The following DNAJC13 variants were observed in gnomAD, a reference collection of about 807,000 sequenced individuals.
DNAJC13 encodes dnaJ homolog subfamily C member 13.
Under a neutral mutation model 290.5 loss-of-function variants are expected in DNAJC13, and 75 were observed. The ratio of observed to expected loss-of-function variants is 0.26; its 90% confidence interval spans 0.21 to 0.31. DNAJC13 has a LOEUF of 0.31. Ranked by LOEUF, DNAJC13 falls within the 10% of genes least tolerant of loss-of-function variation. The pLI is 1.00. For missense variants in DNAJC13, 2,260 were observed against 2,674.5 expected, an observed-to-expected ratio of 0.85 and a Z score of 3.42; for synonymous variants, 862 against 892.0, an observed-to-expected ratio of 0.97 and a Z score of 0.60.
chr3:132,453,394 C>T lies in DNAJC13; in HGVS notation c.634C>T (p.Pro212Ser), dbSNP rs1313769308. 2 of 1,613,894 alleles carry T rather than the reference C, an allele frequency of 1.2e-6. No individual in the cohort carries two copies. The highest frequency in any genetic ancestry group is 2.2e-5 in the East Asian group (1 of 44,828). Residue 212 changes from proline (P) to serine (S), a missense_variant, in exon 7 of 56, where the codon CCT (proline) becomes TCT (serine). By Grantham distance (74) the Pro-to-Ser change is moderately conservative (BLOSUM62 -1). Around this residue, in one of 3 missense-constraint regions of DNAJC13, gnomAD observed 762 missense variants for 964.1 expected, o/e 0.79. Transcript: ENST00000260818. ...TATTTCATTGCGGATCAGGAAAGAG[C>T]CTTTAGAATTCGAGCAATATTTGAA... Reference protein sequence around the residue: ...IGISLRIRKEPLEFEQYLNLR... With the variant: ...IGISLRIRKESLEFEQYLNLR...
intron 34 of DNAJC13, 69 bp downstream of exon 34, chr3:132,494,328 A>G (rs1935162450): frequency 2.6e-6 from 3 of 1,159,090 alleles, no homozygotes; most frequent in Admixed American, 3.8e-5. Context: ...AGACTAAGTT[A>G]TATTTAAATC....
At chr3:132,427,351 G>T (rs968691520) in intron 1 of DNAJC13, among the ~76,000 whole-genome samples, 4 of 151,890 alleles carry the variant, frequency 2.6e-5, no homozygotes, top group African/African-American at 7.3e-5. Flanking sequence ...TGCCTGGGCT[G>T]GTCTTGAACT....
rs767766724 is a variant in DNAJC13, at chr3:132,454,173, T to C, written c.932+16T>C. On this transcript the variant is annotated intron_variant, in intron 9 of 55. Transcript: ENST00000260818. ...CAACAGAGAGGTATTTTTTTTTTTT[T>C]AAGTTTTTGAAATCCTAGTTGTGCA... 14 of 1,517,488 alleles carry C rather than the reference T, an allele frequency of 9.2e-6. No homozygotes were observed. The Middle Eastern group carries it at 1.2e-3, about 129-fold the overall frequency. 94.0% of individuals were successfully genotyped at this position (1,517,488 alleles called of 1,614,324 possible). A position where few individuals can be genotyped will look rare whatever the true frequency, so the allele number is the denominator to read the frequency against.
intron 51 of DNAJC13, 106 bp from the exon 52 acceptor site, chr3:132,525,504 C>T: frequency 1.7e-6 from 2 of 1,161,632 alleles, no homozygotes. Flanking sequence ...AGTATCAGCA[C>T]TTAGAACTTT....
chr3:132,433,400 C>T (rs1939291516), intron 1 of DNAJC13, among the ~76,000 whole-genome samples: 1 of 151,900 alleles, frequency 6.6e-6, no homozygotes, highest in African/African-American at 2.4e-5. Context: ...CCCTTCTCTT[C>T]TGAAAAGTAG....
intron 55 of DNAJC13, among the ~76,000 whole-genome samples, chr3:132,534,325 T>C (rs1936523952): frequency 6.6e-6 from 1 of 152,184 alleles, no homozygotes; most frequent in African/African-American, 2.4e-5. Flanking sequence ...TGTCAGTTGC[T>C]GGAAATTTTT....
At chr3:132,463,876 A>C (rs1933891931) in intron 17 of DNAJC13, 59 bp downstream of exon 17, 3 of 1,553,698 alleles carry the variant, frequency 1.9e-6, no homozygotes, top group Admixed American at 3.6e-5. Flanking sequence ...ATTGATTCAG[A>C]TGTTACATAA....
At chr3:132,528,439 G>T in intron 54 of DNAJC13, 107 bp downstream of exon 54, 3 of 1,366,218 alleles carry the variant, frequency 2.2e-6, no homozygotes, top group Non-Finnish European at 3.0e-6. Context: ...GGTTCTGTTG[G>T]TTGTAACTGG....
Position 132,516,699 on chromosome 3 carries a change from C to T in DNAJC13, c.5561-5C>T, listed in dbSNP as rs766885811. Reference sequence around the variant, plus strand: ...ATAAGCACTAATTATCTTTTTCCTTCATAGGTGCTTTGATCTATTTACTGG... The same window carrying T: ...ATAAGCACTAATTATCTTTTTCCTTTATAGGTGCTTTGATCTATTTACTGG... On this transcript the variant is annotated splice_region_variant and splice_polypyrimidine_tract_variant and intron_variant, in intron 47 of 55. Transcript: ENST00000260818. The T allele has an allele frequency of 6.2e-7, 1 of 1,605,270 alleles. No homozygotes were observed. Among genetic ancestry groups the T allele is most frequent in the Admixed American group, 1.7e-5 (1 of 58,108 alleles).
At chr3:132,500,650 G>C in intron 38 of DNAJC13, 144 bp from the exon 39 acceptor site, 3 of 1,150,628 alleles carry the variant, frequency 2.6e-6, no homozygotes, top group Non-Finnish European at 2.4e-6. Flanking sequence ...TAGTGATCTA[G>C]TAAAGACATT....
Position 132,496,681 on chromosome 3 carries a change from A to C in DNAJC13, c.4156+18A>C. 2.5e-6 allele frequency: 4 copies of C among 1,585,846 alleles called. No homozygotes were observed. Among genetic ancestry groups the C allele is most frequent in the Non-Finnish European group, 3.4e-6 (4 of 1,168,376 alleles). ...TAAAGAAGGTAAGATGTCTGTTCTC[A>C]GATTTTAATTTATCCTCCAGCTAAC... On this transcript the variant is annotated intron_variant, in intron 36 of 55. Transcript: ENST00000260818.
At chr3:132,433,700 T>C (rs1939298605) in intron 1 of DNAJC13, among the ~76,000 whole-genome samples, 1 of 152,226 alleles carries the variant, frequency 6.6e-6, no homozygotes, top group Non-Finnish European at 1.5e-5. Flanking sequence ...TTGGAAAATG[T>C]GTTTAGGTAT....
chr3:132,516,460 T>C lies in DNAJC13; in HGVS notation c.5524T>C (p.Ser1842Pro). ...TCTGGAAACTCTTTATGCTTTGACA[T>C]CGAGTACAAAAATAATCAAAGAAGC... Reference protein sequence around the residue: ...LVLETLYALTSSTKIIKEAMA... With the variant: ...LVLETLYALTPSTKIIKEAMA... Residue 1842 changes from serine to proline, a missense_variant, in exon 47 of 56, where the codon TCG (serine) becomes CCG (proline). Physicochemically the swap from Ser to Pro is moderately conservative, Grantham distance 74 (BLOSUM62 -1). Transcript: ENST00000260818. 6.2e-7 allele frequency: 1 copy of C among 1,613,846 alleles called. No individual in the cohort carries two copies. The highest frequency in any genetic ancestry group is 1.1e-5 in the South Asian group (1 of 91,076).
chr3:132,435,582 G>A (rs1170369056), intron 2 of DNAJC13, among the ~76,000 whole-genome samples: 4 of 152,114 alleles, frequency 2.6e-5, no homozygotes. Flanking sequence ...TCAATTGTAT[G>A]AACTCCTAAA....
At chr3:132,448,020 G>C in intron 5 of DNAJC13, 81 bp downstream of exon 5, 1 of 990,860 alleles carries the variant, frequency 1.0e-6, no homozygotes, top group Non-Finnish European at 1.5e-6. Flanking sequence ...TAATCTGTGT[G>C]TTCCATTTGT....
chr3:132,514,345 A>G (rs1240180686), intron 45 of DNAJC13, among the ~76,000 whole-genome samples: 1 of 152,112 alleles, frequency 6.6e-6, no homozygotes, highest in African/African-American at 2.4e-5. Context: ...TATATACCTT[A>G]GTTCTGGAGC....
At chr3:132,421,123 G>C (rs1370954750) in intron 1 of DNAJC13, among the ~76,000 whole-genome samples, 1 of 152,156 alleles carries the variant, frequency 6.6e-6, no homozygotes, top group African/African-American at 2.4e-5. Flanking sequence ...GTTATAAGAT[G>C]GAGTGGAAAA....
intron 42 of DNAJC13, 63 bp from the exon 43 acceptor site, chr3:132,507,169 TGTTAA>T (rs1156809495): frequency 6.9e-5 from 70 of 1,012,084 alleles, no homozygotes; most frequent in African/African-American, 5.0e-4. Flanking sequence ...GTTATTTATC[TGTTAA>T]GTTATTAAAC....
At chr3:132,511,624 A>G (rs1341794824) in intron 44 of DNAJC13, among the ~76,000 whole-genome samples, 2 of 152,208 alleles carry the variant, frequency 1.3e-5, no homozygotes, top group African/African-American at 4.8e-5. Flanking sequence ...AACCAGTGCC[A>G]TGTGCATATG....
Sources: gnomAD v4.1 joint callset for allele counts (sites outside exome capture counted in the v4.1 genomes callset) on GRCh38, gnomAD v4.1.1 for gene constraint, gnomAD v4.1.1 regional missense constraint, MANE v1.5 for transcripts, NCBI Gene and HGNC (gene_info 2026-07-23, HGNC 2026-07-21) for gene names.